Variants in SV2C observed in about 807,000 individuals in gnomAD.
SV2C encodes the protein synaptic vesicle glycoprotein 2C, also known as solute carrier family 22 member B3.
SV2C carries 49 observed loss-of-function variants against 79.7 expected under a neutral mutation model. The observed-to-expected ratio is 0.61, with a 90% CI of 0.49 to 0.78. The LOEUF is 0.78. Among genes scored for constraint, SV2C ranks in the 30% least tolerant of loss-of-function variants. The probability of loss-of-function intolerance (pLI) is 0.00; values close to 1 mark genes in which losing one functional copy is unlikely to be tolerated. For synonymous variants in SV2C, 334 were observed against 333.2 expected (o/e 1.00, Z -0.03); for missense variants, 833 against 912.9 (o/e 0.91, Z 1.13).
At chr5:76,152,570 T>A (rs563728299) in intron 2 of SV2C, among the ~76,000 whole-genome samples, 1 of 152,326 alleles carries the variant, frequency 6.6e-6, no homozygotes, top group East Asian at 1.9e-4. Context: ...TAAAATGAAC[T>A]TTGCTGAAAT....
chr5:76,093,855 C>G (rs192427640), intron 1 of SV2C, among the ~76,000 whole-genome samples: 2 of 152,288 alleles, frequency 1.3e-5, no homozygotes, highest in Admixed American at 1.3e-4. Flanking sequence ...CCTTTGACAT[C>G]ACTATTCCAA....
At chr5:75,858,965 A>T in the SV2C span, among the ~76,000 whole-genome samples, 3 of 149,576 alleles carry the variant, frequency 2.0e-5, no homozygotes, top group East Asian at 6.0e-4. Flanking sequence ...GATTTTATTT[A>T]TTTGGGTTTT....
the SV2C span, among the ~76,000 whole-genome samples, chr5:75,952,835 C>T: frequency 2.0e-5 from 3 of 151,746 alleles, no homozygotes; most frequent in African/African-American, 2.4e-5. Flanking sequence ...ATGGAAAAAC[C>T]GGCTAATACA....
chr5:76,291,308 C>T lies in SV2C; in HGVS notation c.1225C>T (p.Arg409Trp), dbSNP rs758111862. The change falls in exon 7 of 13, where the codon CGG (arginine) becomes TGG (tryptophan). Residue 409 changes from arginine to tryptophan, a missense_variant. Coordinates refer to ENST00000502798, the MANE Select transcript of SV2C (RefSeq NM_014979.4). ...TGTWYRRCFVRIRTELYGIWL... is the reference protein window; with the variant it reads ...TGTWYRRCFVWIRTELYGIWL... ...AACATGGTATAGGAGGTGTTTTGTT[C>T]GGATCCGCACCGAGCTGTACGGAGT... 9 of 1,611,772 alleles carry T rather than the reference C, an allele frequency of 5.6e-6. No homozygotes were observed. Among genetic ancestry groups the T allele is most frequent in the Admixed American group, 1.7e-5 (1 of 59,330 alleles).
the SV2C span, among the ~76,000 whole-genome samples, chr5:75,857,242 C>T: frequency 2.1e-4 from 32 of 152,154 alleles, no homozygotes; most frequent in African/African-American, 7.0e-4. Flanking sequence ...CAGGTGTGAG[C>T]CACCGCGCCC....
At chr5:75,941,779 G>A in the SV2C span, among the ~76,000 whole-genome samples, 1 of 152,086 alleles carries the variant, frequency 6.6e-6, no homozygotes, top group Non-Finnish European at 1.5e-5. Context: ...CTTTCTCCAA[G>A]GTAGGAATCT....
chr5:76,182,595 A>T (rs951009490), intron 2 of SV2C, among the ~76,000 whole-genome samples: 1 of 152,152 alleles, frequency 6.6e-6, no homozygotes, highest in Admixed American at 6.5e-5. Flanking sequence ...GAAAGGAAGC[A>T]CACACTCTCA....
intron 4 of SV2C, among the ~76,000 whole-genome samples, chr5:76,265,583 T>C (rs1053211917): frequency 6.6e-6 from 1 of 152,192 alleles, no homozygotes; most frequent in Non-Finnish European, 1.5e-5. Flanking sequence ...ATTTTGTGCT[T>C]GAAACCCAGG....
intron 4 of SV2C, among the ~76,000 whole-genome samples, chr5:76,228,470 G>A (rs1463071336): frequency 6.6e-6 from 1 of 152,170 alleles, no homozygotes; most frequent in Non-Finnish European, 1.5e-5. Flanking sequence ...ATGCACTTCA[G>A]GAAGGCTCAG....
chr5:75,946,314 T>A, the SV2C span, among the ~76,000 whole-genome samples: 1 of 152,152 alleles, frequency 6.6e-6, no homozygotes, highest in East Asian at 1.9e-4. Flanking sequence ...GCATCATTTT[T>A]GGAAAAGATC....
chr5:76,349,535 A>G (rs553034367), intron 12 of SV2C, among the ~76,000 whole-genome samples: 28 of 152,270 alleles, frequency 1.8e-4, no homozygotes, highest in African/African-American at 6.7e-4. Flanking sequence ...AAAATAATCC[A>G]GTGATTATTA....
chr5:76,032,379 C>T, the SV2C span, among the ~76,000 whole-genome samples: 1 of 152,110 alleles, frequency 6.6e-6, no homozygotes, highest in African/African-American at 2.4e-5. Flanking sequence ...GTATATCTCC[C>T]AATGCTATCC....
At chr5:75,990,232 C>T in the SV2C span, among the ~76,000 whole-genome samples, 3 of 151,852 alleles carry the variant, frequency 2.0e-5, no homozygotes, top group Admixed American at 1.3e-4. Context: ...TGCCTATGTT[C>T]TGAATGGTAT....
the SV2C span, among the ~76,000 whole-genome samples, chr5:75,933,122 C>T: frequency 6.6e-6 from 1 of 152,128 alleles, no homozygotes; most frequent in South Asian, 2.1e-4. Context: ...CTATCTAATT[C>T]TTCCTTATCC....
chr5:76,025,569 T>C, the SV2C span, among the ~76,000 whole-genome samples: 1 of 152,222 alleles, frequency 6.6e-6, no homozygotes, highest in African/African-American at 2.4e-5. Flanking sequence ...GCTAAAAGTA[T>C]ATGTTTTTGA....
At chr5:75,849,300 C>G in the SV2C span, among the ~76,000 whole-genome samples, 98 of 152,242 alleles carry the variant, frequency 6.4e-4, no homozygotes, top group South Asian at 1.9e-3. Flanking sequence ...GTTACAAATG[C>G]TAAGCTTCAG....
chr5:76,130,838 C>T (rs575399202), intron 1 of SV2C, among the ~76,000 whole-genome samples: 4 of 151,870 alleles, frequency 2.6e-5, no homozygotes, highest in South Asian at 2.1e-4. Flanking sequence ...AGTGTGTGTG[C>T]GTACTGGGTA....
rs1749022486 is a variant in SV2C at position 76,326,806 on chromosome 5, G to C, written c.*1259G>C. On this transcript the variant is annotated 3_prime_UTR_variant, in exon 13 of 13. Coordinates refer to ENST00000502798, the MANE Select transcript of SV2C (RefSeq NM_014979.4). ...CTCTGGAATCTGCCTGGGCTTGGAA[G>C]AAAGAGGTCAGCCAGGACATTCCCA... The C allele has an allele frequency of 6.6e-6, 1 of 152,268 alleles. No individual in the cohort carries two copies. Among genetic ancestry groups the C allele is most frequent in the Non-Finnish European group, 1.5e-5 (1 of 68,118 alleles). The allele number at this position is 152,268 out of a possible 1,614,324, so 9.4% of individuals were successfully genotyped here.
chr5:75,958,817 A>T, the SV2C span, among the ~76,000 whole-genome samples: 1 of 151,920 alleles, frequency 6.6e-6, no homozygotes, highest in Non-Finnish European at 1.5e-5. Context: ...GATTCATAGC[A>T]TACCAGCATT....
Sources: allele counts gnomAD v4.1 joint callset (sites outside exome capture counted in the v4.1 genomes callset), GRCh38; gene constraint gnomAD v4.1.1; transcripts MANE v1.5; gene names NCBI Gene and HGNC (gene_info 2026-07-23, HGNC 2026-07-21).